Variants in PKP2 observed in about 807,000 individuals in gnomAD.
PKP2 encodes plakophilin 2.
A neutral mutation model predicts 83.4 loss-of-function variants in PKP2; 73 were observed. The observed-to-expected ratio is 0.88, with a 90% CI of 0.72 to 1.06. PKP2 has a LOEUF of 1.06. Among genes scored for constraint, PKP2 ranks in the 50% least tolerant of loss-of-function variants. The pLI, the probability that PKP2 is intolerant of heterozygous loss-of-function variation, is 0.00. For missense variants in PKP2, 966 were observed against 1,065.4 expected, an observed-to-expected ratio of 0.91 and a Z score of 1.30; for synonymous variants, 409 against 430.4, an observed-to-expected ratio of 0.95 and a Z score of 0.62.
intron 1 of PKP2, 45 bp from the exon 2 acceptor site, chr12:32,879,077 T>C: frequency 1.0e-6 from 1 of 982,406 alleles, no homozygotes. Flanking sequence ...ACAAGTAGGC[T>C]AATTAATATT....
At chr12:32,821,331 G>T in intron 9 of PKP2, 25 bp downstream of exon 9, 2 of 1,600,518 alleles carry the variant, frequency 1.2e-6, no homozygotes, top group African/African-American at 1.3e-5. Flanking sequence ...ATTTTAAAAA[G>T]TAGGAAATCA....
At chr12:32,892,422 C>T (rs1183566279) in intron 1 of PKP2, among the ~76,000 whole-genome samples, 1 of 151,498 alleles carries the variant, frequency 6.6e-6, no homozygotes, top group Non-Finnish European at 1.5e-5. Flanking sequence ...AAGCAATTCT[C>T]CTGCCTCAGG....
Position 32,850,832 on chromosome 12 carries a change from C to T in PKP2, c.1312G>A (p.Gly438Arg), listed in dbSNP as rs1956689163. The T allele has an allele frequency of 6.2e-7, 1 of 1,613,810 alleles. No homozygotes were observed. The change falls in exon 5 of 13, where the codon GGG becomes AGG. Residue 438 changes from glycine (G) to arginine (R), a missense_variant. Physicochemically the swap from Gly to Arg is moderately radical, Grantham distance 125 (BLOSUM62 -2). Transcript: ENST00000340811. ...AGCACCTGGAGCAGCCGAGGTACCC[C>T]ATTTAGTTCAGCCACCTCCAATTTG... ...DNKLEVAELN[G>R]VPRLLQVLKQ...
chr12:32,869,817 C>T lies in PKP2; in HGVS notation c.1035-755G>A, dbSNP rs143769691. 5.9e-5 allele frequency among the ~76,000 whole-genome samples: 9 copies of T among 152,196 alleles called. No homozygotes were observed. The East Asian group carries it at 1.4e-3, about 23-fold the overall frequency. On this transcript the variant is annotated intron_variant, in intron 3 of 12. Transcript: ENST00000340811. ...GGAGGATTGCCTGAGTCCAGGAATT[C>T]AAGACCAGCCCTGGCAACATAGTGA...
intron 10 of PKP2, among the ~76,000 whole-genome samples, chr12:32,801,071 A>C (rs1956174335): frequency 6.6e-6 from 1 of 152,226 alleles, no homozygotes; most frequent in African/African-American, 2.4e-5. Flanking sequence ...ACATGAAGCC[A>C]ATCTGGAATT....
At chr12:32,890,052 G>A (rs1330960112) in intron 1 of PKP2, among the ~76,000 whole-genome samples, 1 of 135,908 alleles carries the variant, frequency 7.4e-6, no homozygotes, top group Non-Finnish European at 1.5e-5. Context: ...CTCCAGCCTG[G>A]GCATAGAGCG....
chr12:32,868,944 A>G lies in PKP2; in HGVS notation c.1153T>C (p.Ser385Pro), dbSNP rs1409741980. The change falls in exon 4 of 13, where the codon TCT becomes CCT. Residue 385 changes from serine (S) to proline (P), a missense_variant. Transcript: ENST00000340811. ...TFIQHECFQKSEARKRVNQLR... is the reference protein window; with the variant it reads ...TFIQHECFQKPEARKRVNQLR... Reference sequence around the variant, plus strand: ...ACACTCACCCTCTTCCGAGCTTCAGATTTCTGGAAGCACTCGTGCTGTATG... The same window carrying G: ...ACACTCACCCTCTTCCGAGCTTCAGGTTTCTGGAAGCACTCGTGCTGTATG... 6.2e-7 allele frequency: 1 copy of G among 1,613,344 alleles called. No individual in the cohort carries two copies. The highest frequency in any genetic ancestry group is 8.5e-7 in the Non-Finnish European group (1 of 1,179,978).
chr12:32,875,996 A>G (rs1956928516), intron 3 of PKP2, among the ~76,000 whole-genome samples: 1 of 152,188 alleles, frequency 6.6e-6, no homozygotes, highest in South Asian at 2.1e-4. Context: ...GACTTGGAAT[A>G]GAAGGGTTAC....
chr12:32,860,278 A>C (rs75422105), intron 4 of PKP2, among the ~76,000 whole-genome samples: 3,964 of 152,330 alleles, frequency 0.026, 81 homozygotes, highest in Middle Eastern at 0.044. Flanking sequence ...TGAGATGTGC[A>C]GAGGACCTGC....
chr12:32,806,686 T>TTGTGTGTGTGTGTGTGTGTGTGTGTG lies in PKP2; in HGVS notation c.2014-4131_2014-4130insCACACACACACACACACACACACACA, dbSNP rs140484431. Among the ~76,000 whole-genome samples the TTGTGTGTGTGTGTGTGTGTGTGTGTG allele has an allele frequency of 5.1e-3, 766 of 149,678 alleles. 9 individuals are homozygous for TTGTGTGTGTGTGTGTGTGTGTGTGTG. Among genetic ancestry groups the TTGTGTGTGTGTGTGTGTGTGTGTGTG allele is most frequent in the East Asian group, 0.033 (164 of 4,944 alleles). On this transcript the variant is annotated intron_variant, in intron 9 of 12. Coordinates refer to ENST00000340811, the MANE Select transcript of PKP2 (RefSeq NM_001005242.3). ...TGAATTTGTTGATTTTTTGAAGGGTTTGTGTGTGTGTGTGTGTGTCTGTAT... is the reference window on the plus strand; with the variant it reads ...TGAATTTGTTGATTTTTTGAAGGGTTTGTGTGTGTGTGTGTGTGTGTGTGTGTGTGTGTGTGTGTGTGTGTCTGTAT...
chr12:32,830,030 G>T (rs550334383), intron 6 of PKP2, among the ~76,000 whole-genome samples: 13 of 152,132 alleles, frequency 8.5e-5, no homozygotes, highest in Non-Finnish European at 1.6e-4. Context: ...AAAAAATTAT[G>T]CACGCATCAC....
chr12:32,834,625 T>C (rs1220728429), intron 6 of PKP2, among the ~76,000 whole-genome samples: 3 of 152,112 alleles, frequency 2.0e-5, no homozygotes, highest in East Asian at 3.9e-4. Context: ...CTTAAGTGCC[T>C]ACCTGAACTC....
At chr12:32,799,848 C>T (rs1304083351) in intron 10 of PKP2, among the ~76,000 whole-genome samples, 1 of 152,150 alleles carries the variant, frequency 6.6e-6, no homozygotes, top group Non-Finnish European at 1.5e-5. Context: ...GCTCAGGTGA[C>T]ATGTGCACCA....
intron 1 of PKP2, among the ~76,000 whole-genome samples, chr12:32,895,389 C>G (rs764671057): frequency 2.6e-5 from 4 of 152,216 alleles, no homozygotes; most frequent in Admixed American, 6.5e-5. Flanking sequence ...TTTGAAATCT[C>G]TGGTCTGGCC....
chr12:32,887,007 GA>G (rs772637129), intron 1 of PKP2, among the ~76,000 whole-genome samples: 100 of 140,192 alleles, frequency 7.1e-4, no homozygotes, highest in African/African-American at 1.5e-3. Context: ...TCTCAAAAAG[GA>G]AAAAAAAAAA....
intron 4 of PKP2, among the ~76,000 whole-genome samples, chr12:32,862,724 G>A (rs1017344391): frequency 6.6e-6 from 1 of 152,160 alleles, no homozygotes; most frequent in Non-Finnish European, 1.5e-5. Context: ...TGCACTTTGG[G>A]AGGTAGATCA....
intron 3 of PKP2, among the ~76,000 whole-genome samples, chr12:32,873,776 C>T (rs1405159158): frequency 6.6e-6 from 1 of 151,440 alleles, no homozygotes; most frequent in African/African-American, 2.4e-5. Context: ...GTGATCCGCC[C>T]ACCTCGGCCT....
Position 32,792,741 on chromosome 12 carries a change from A to C in PKP2, c.2358-10T>G. On this transcript the variant is annotated splice_polypyrimidine_tract_variant and intron_variant, in intron 11 of 12. Coordinates refer to ENST00000340811, the MANE Select transcript of PKP2 (RefSeq NM_001005242.3). ...TTTGTTGGAGGCATAGCTGAAAAGA[A>C]AAGGACATTCTGAGATCAGGGAGAA... The C allele has an allele frequency of 6.2e-7, 1 of 1,610,892 alleles. No individual in the cohort carries two copies. The highest frequency in any genetic ancestry group is 8.5e-7 in the Non-Finnish European group (1 of 1,177,104).
At chr12:32,811,970 T>TGG (rs1956280877) in intron 9 of PKP2, among the ~76,000 whole-genome samples, 1 of 152,170 alleles carries the variant, frequency 6.6e-6, no homozygotes, top group Non-Finnish European at 1.5e-5. Context: ...TGGCTCCATG[T>TGG]GGGGCATTGT....
Sources: allele counts gnomAD v4.1 joint callset (sites outside exome capture counted in the v4.1 genomes callset), GRCh38; gene constraint gnomAD v4.1.1; transcripts MANE v1.5; gene names NCBI Gene and HGNC (gene_info 2026-07-23, HGNC 2026-07-21).